Variants in HDAC9 observed in about 807,000 individuals in gnomAD.
HDAC9 encodes histone deacetylase 9.
In HDAC9, 41 loss-of-function variants were observed where a neutral mutation model predicts 139.4. The ratio of observed to expected loss-of-function variants is 0.29; its 90% CI spans 0.23 to 0.38. The LOEUF is 0.38. HDAC9 is among the 10% of genes least tolerant of loss of function. The pLI, the probability that HDAC9 is intolerant of heterozygous loss-of-function variation, is 1.00. For synonymous variants in HDAC9, 517 were observed against 476.2 expected, an observed-to-expected ratio of 1.09 and a Z score of -1.12; for missense variants, 1,147 against 1,297.0, an observed-to-expected ratio of 0.88 and a Z score of 1.78.
chr7:18,460,788 C>CAAAAA (rs750144894), intron 1 of HDAC9, among the ~76,000 whole-genome samples: 1 of 45,314 alleles, frequency 2.2e-5, no homozygotes, highest in Non-Finnish European at 4.8e-5. Flanking sequence ...AACTCTGTCT[C>CAAAAA]AAAAAAAAAA....
intron 2 of HDAC9, among the ~76,000 whole-genome samples, chr7:18,251,446 C>G (rs1794913000): frequency 6.6e-6 from 1 of 152,178 alleles, no homozygotes; most frequent in Middle Eastern, 3.4e-3. Flanking sequence ...ATCTGTGCAG[C>G]AGACCACCAT....
chr7:18,579,144 T>C (rs1270073952), intron 2 of HDAC9, among the ~76,000 whole-genome samples: 8 of 152,298 alleles, frequency 5.3e-5, no homozygotes, highest in African/African-American at 1.9e-4. Flanking sequence ...GTAAATGTAA[T>C]TTAATAGAAC....
intron 21 of HDAC9, among the ~76,000 whole-genome samples, chr7:18,867,784 G>A (rs1197806350): frequency 6.6e-6 from 1 of 151,790 alleles, no homozygotes; most frequent in East Asian, 1.9e-4. Context: ...GGTCTCTCAG[G>A]GACTCCTATT....
At chr7:18,765,112 G>T (rs968606104) in intron 15 of HDAC9, among the ~76,000 whole-genome samples, 3 of 152,054 alleles carry the variant, frequency 2.0e-5, no homozygotes, top group Non-Finnish European at 4.4e-5. Context: ...GCATTGATAA[G>T]ACAACATAAT....
chr7:18,462,901 A>G (rs1793970948), intron 1 of HDAC9, among the ~76,000 whole-genome samples: 1 of 151,978 alleles, frequency 6.6e-6, no homozygotes. Flanking sequence ...CCATAGGATA[A>G]CATATAAATA....
chr7:18,090,528 C>G lies in HDAC9; in HGVS notation c.-97+3315C>G, dbSNP rs142784403. Among the ~76,000 whole-genome samples the G allele has an allele frequency of 8.7e-3, 1,320 of 152,336 alleles. 11 individuals carry two copies. The highest frequency in any genetic ancestry group is 0.014 in the Non-Finnish European group (922 of 68,022). On this transcript the variant is annotated intron_variant, in intron 1 of 12. Transcript: ENST00000417496. ...CCTGCTGGCCTCACCCTATCAACTA[C>G]CTACTGCCCTTTTACTGATCAAAGC...
chr7:18,155,022 A>G (rs752068951), intron 1 of HDAC9, among the ~76,000 whole-genome samples: 3 of 151,386 alleles, frequency 2.0e-5, no homozygotes, highest in East Asian at 1.9e-4. Context: ...CCTTTTCACA[A>G]TTCTATTTTG....
intron 6 of HDAC9, among the ~76,000 whole-genome samples, chr7:18,618,653 T>C (rs1385699855): frequency 2.7e-5 from 4 of 149,710 alleles, no homozygotes; most frequent in Admixed American, 2.0e-4. Flanking sequence ...ACATTATATA[T>C]CCACAATAAA....
intron 13 of HDAC9, among the ~76,000 whole-genome samples, chr7:18,728,069 C>CCTT (rs1785701071): frequency 6.6e-6 from 1 of 152,196 alleles, no homozygotes; most frequent in Non-Finnish European, 1.5e-5. Flanking sequence ...TCTACTCTTA[C>CCTT]CTTCTGCCCA....
At chr7:18,859,213 A>C (rs575357837) in intron 21 of HDAC9, among the ~76,000 whole-genome samples, 11 of 152,306 alleles carry the variant, frequency 7.2e-5, no homozygotes, top group African/African-American at 2.6e-4. Context: ...TCTTAACTTC[A>C]TGCCTGGCAC....
chr7:18,471,233 G>C (rs1794698563), intron 1 of HDAC9, among the ~76,000 whole-genome samples: 1 of 152,236 alleles, frequency 6.6e-6, no homozygotes, highest in South Asian at 2.1e-4. Flanking sequence ...AGAAATATTT[G>C]TGTAATGAAT....
At chr7:18,242,472 A>G (rs539311800) in intron 2 of HDAC9, among the ~76,000 whole-genome samples, 1 of 152,308 alleles carries the variant, frequency 6.6e-6, no homozygotes, top group South Asian at 2.1e-4. Flanking sequence ...CTAACCTGAT[A>G]ATGTAACATC....
intron 2 of HDAC9, among the ~76,000 whole-genome samples, chr7:18,266,203 T>G (rs1795986993): frequency 6.6e-6 from 1 of 152,192 alleles, no homozygotes. Context: ...ATTTATCTCA[T>G]TAGAAAATTC....
intron 1 of HDAC9, among the ~76,000 whole-genome samples, chr7:18,398,566 T>C (rs1354801193): frequency 6.6e-6 from 1 of 152,140 alleles, no homozygotes; most frequent in African/African-American, 2.4e-5. Flanking sequence ...GTTCCTTAGA[T>C]TGGACAAGTG....
At chr7:18,351,972 G>A (rs1782882165) in intron 1 of HDAC9, among the ~76,000 whole-genome samples, 1 of 152,118 alleles carries the variant, frequency 6.6e-6, no homozygotes, top group Non-Finnish European at 1.5e-5. Context: ...GTGTGGAACA[G>A]AACAGAACTA....
rs555773348 is a variant in HDAC9, at chr7:18,477,410, C to T, written c.-41-18852C>T. ...TTATGTGTGCGTGCGTGCGTGCATG[C>T]GTGTGTGTGTGTGTGAAACAAATAC... On this transcript the variant is annotated intron_variant, in intron 1 of 3. Transcript: ENST00000413509. Among the ~76,000 whole-genome samples the T allele has an allele frequency of 8.6e-3, 1,300 of 151,102 alleles. 17 individuals are homozygous for T. The highest frequency in any genetic ancestry group is 0.03 in the African/African-American group (1,224 of 41,200).
intron 2 of HDAC9, among the ~76,000 whole-genome samples, chr7:18,221,141 TG>T (rs1792674505): frequency 6.7e-6 from 1 of 149,986 alleles, no homozygotes; most frequent in East Asian, 1.9e-4. Context: ...TCACTCTTTT[TG>T]CCCAGGCTGG....
chr7:18,172,263 G>A (rs1788510194), intron 2 of HDAC9, among the ~76,000 whole-genome samples: 1 of 152,114 alleles, frequency 6.6e-6, no homozygotes, highest in Non-Finnish European at 1.5e-5. Flanking sequence ...TTCTCTGATG[G>A]TAGTTTGTAT....
chr7:18,855,270 A>G (rs1401318579), intron 21 of HDAC9, among the ~76,000 whole-genome samples: 1 of 152,154 alleles, frequency 6.6e-6, no homozygotes, highest in Non-Finnish European at 1.5e-5. Context: ...CTAAAGATCT[A>G]TCGTGACCTA....
Sources: allele counts gnomAD v4.1 joint callset (sites outside exome capture counted in the v4.1 genomes callset), GRCh38; gene constraint gnomAD v4.1.1; transcripts MANE v1.5; gene names NCBI Gene and HGNC (gene_info 2026-07-23, HGNC 2026-07-21).